Variants in SLC35F1 observed in about 807,000 individuals in gnomAD.
SLC35F1 encodes the protein solute carrier family 35 member F1.
Under a neutral mutation model 48.7 loss-of-function variants are expected in SLC35F1, and 14 were observed. The observed-to-expected ratio is 0.29, with a 90% CI of 0.19 to 0.45. The LOEUF (loss-of-function observed/expected upper bound fraction) is 0.45, where lower values mean the gene tolerates loss of function less well. Ranked by LOEUF, SLC35F1 falls within the 20% of genes least tolerant of loss-of-function variation. SLC35F1 has a pLI of 1.00. For missense variants in SLC35F1, 404 were observed against 500.0 expected, an observed-to-expected ratio of 0.81 and a Z score of 1.83; for synonymous variants, 190 against 202.2, an observed-to-expected ratio of 0.94 and a Z score of 0.51.
intron 1 of SLC35F1, among the ~76,000 whole-genome samples, chr6:118,098,981 T>C (rs551497081): frequency 2.6e-4 from 40 of 152,276 alleles, no homozygotes; most frequent in African/African-American, 8.9e-4. Context: ...GTACCTTATA[T>C]ATAATGATGA....
intron 1 of SLC35F1, among the ~76,000 whole-genome samples, chr6:118,148,805 T>C (rs1774012920): frequency 6.6e-6 from 1 of 152,194 alleles, no homozygotes; most frequent in South Asian, 2.1e-4. Context: ...TTTTGCAAGA[T>C]AGCACCTTAC....
chr6:118,078,782 G>T (rs1772861845), intron 1 of SLC35F1, among the ~76,000 whole-genome samples: 1 of 152,176 alleles, frequency 6.6e-6, no homozygotes, highest in African/African-American at 2.4e-5. Flanking sequence ...CATTGGTGCA[G>T]CTTGGTGGGG....
At chr6:117,998,071 T>G (rs1197808253) in intron 1 of SLC35F1, among the ~76,000 whole-genome samples, 1 of 147,196 alleles carries the variant, frequency 6.8e-6, no homozygotes, top group East Asian at 2.0e-4. Flanking sequence ...AATAAAAGGA[T>G]GGAGGAAGAT....
intron 2 of SLC35F1, among the ~76,000 whole-genome samples, chr6:118,223,672 A>C (rs1369984091): frequency 1.3e-5 from 2 of 152,244 alleles, no homozygotes; most frequent in African/African-American, 2.4e-5. Context: ...ATGGGAGAGC[A>C]GACGGGGAGA....
intron 3 of SLC35F1, among the ~76,000 whole-genome samples, chr6:118,243,450 CA>C (rs1489098834): frequency 6.6e-6 from 1 of 152,148 alleles, no homozygotes; most frequent in Non-Finnish European, 1.5e-5. Flanking sequence ...CCCAATTCTA[CA>C]AAAAGAAATG....
intron 1 of SLC35F1, among the ~76,000 whole-genome samples, chr6:118,123,873 T>C (rs184932888): frequency 9.2e-5 from 14 of 152,292 alleles, no homozygotes; most frequent in Admixed American, 9.2e-4. Context: ...CCTTTAGGAA[T>C]CTGTTTAGTG....
At chr6:118,132,693 G>A (rs1773732611) in intron 1 of SLC35F1, among the ~76,000 whole-genome samples, 1 of 152,094 alleles carries the variant, frequency 6.6e-6, no homozygotes, top group Admixed American at 6.5e-5. Flanking sequence ...TTTATTTTGT[G>A]GCACATATTC....
chr6:118,138,132 G>A (rs1330822059), intron 1 of SLC35F1, among the ~76,000 whole-genome samples: 1 of 151,840 alleles, frequency 6.6e-6, no homozygotes, highest in Non-Finnish European at 1.5e-5. Flanking sequence ...GACATAGCAA[G>A]ATCCTGTCTC....
chr6:117,924,516 A>ATGTATATACG (rs1326649482), intron 1 of SLC35F1, among the ~76,000 whole-genome samples: 3 of 101,414 alleles, frequency 3.0e-5, no homozygotes, highest in African/African-American at 1.1e-4. Flanking sequence ...GTATATACAT[A>ATGTATATACG]TATATATGTC....
intron 2 of SLC35F1, among the ~76,000 whole-genome samples, chr6:118,161,870 C>T (rs181940851): frequency 2.6e-5 from 4 of 152,324 alleles, no homozygotes; most frequent in Admixed American, 2.6e-4. Flanking sequence ...CCACTTCTAG[C>T]AAAACTTCCT....
intron 1 of SLC35F1, among the ~76,000 whole-genome samples, chr6:117,918,241 A>T (rs1157802811): frequency 6.6e-6 from 1 of 151,944 alleles, no homozygotes; most frequent in African/African-American, 2.4e-5. Flanking sequence ...AGATAATACA[A>T]CAGGTCTGTG....
At chr6:117,990,054 C>T (rs924339796) in intron 1 of SLC35F1, among the ~76,000 whole-genome samples, 1 of 152,094 alleles carries the variant, frequency 6.6e-6, no homozygotes, top group Admixed American at 6.6e-5. Flanking sequence ...GCTTGAATAT[C>T]TGATTCCAAA....
At chr6:118,287,904 CTCATTATGCCA>C (rs962777319) in intron 7 of SLC35F1, among the ~76,000 whole-genome samples, 1 of 152,020 alleles carries the variant, frequency 6.6e-6, no homozygotes, top group Non-Finnish European at 1.5e-5. Context: ...GTAGTAACCC[CTCATTATGCCA>C]TCAGAAGGGA....
chr6:117,952,167 T>G (rs1212090769), intron 1 of SLC35F1, among the ~76,000 whole-genome samples: 1 of 152,190 alleles, frequency 6.6e-6, no homozygotes, highest in African/African-American at 2.4e-5. Context: ...CTCACACTTG[T>G]GTGTGTCTGT....
At chr6:118,242,146 G>A (rs1775448810) in intron 3 of SLC35F1, among the ~76,000 whole-genome samples, 1 of 152,202 alleles carries the variant, frequency 6.6e-6, no homozygotes, top group African/African-American at 2.4e-5. Flanking sequence ...AAGCTGTCAA[G>A]CTAATTCCCA....
At chr6:118,177,906 T>G (rs975525471) in intron 2 of SLC35F1, among the ~76,000 whole-genome samples, 6 of 152,118 alleles carry the variant, frequency 3.9e-5, no homozygotes, top group African/African-American at 1.2e-4. Context: ...AGGAAAGGCC[T>G]TGGCTAAGTG....
intron 1 of SLC35F1, among the ~76,000 whole-genome samples, chr6:118,054,791 T>TC (rs1469767512): frequency 6.6e-6 from 1 of 151,456 alleles, no homozygotes; most frequent in Non-Finnish European, 1.5e-5. Flanking sequence ...TTCTTTCTTT[T>TC]TTTTTGACAC....
chr6:118,036,451 A>G (rs888995550), intron 1 of SLC35F1, among the ~76,000 whole-genome samples: 5 of 152,326 alleles, frequency 3.3e-5, no homozygotes, highest in Admixed American at 3.3e-4. Context: ...CTCTCTTGGT[A>G]AATACAATTG....
At chr6:118,071,183 T>A (rs2114299371) in intron 1 of SLC35F1, among the ~76,000 whole-genome samples, 1 of 144,646 alleles carries the variant, frequency 6.9e-6, no homozygotes, top group African/African-American at 2.5e-5. Flanking sequence ...ATATACTATG[T>A]GTGTATATAC....
Sources: allele counts gnomAD v4.1 joint callset (sites outside exome capture counted in the v4.1 genomes callset), GRCh38; gene constraint gnomAD v4.1.1; transcripts MANE v1.5; gene names NCBI Gene and HGNC (gene_info 2026-07-23, HGNC 2026-07-21).